PCDH15: variants seen among roughly 807,000 people sequenced by gnomAD.
PCDH15 encodes protocadherin related 15.
A neutral mutation model predicts 178.5 loss-of-function variants in PCDH15; 129 were observed. That is an observed-to-expected ratio of 0.72 (90% CI 0.63 to 0.84). PCDH15 has a LOEUF of 0.84. Among genes scored for constraint, PCDH15 ranks in the 40% least tolerant of loss-of-function variants. The probability of loss-of-function intolerance (pLI) is 0.00; values close to 1 mark genes in which losing one functional copy is unlikely to be tolerated. For synonymous variants in PCDH15, 800 were observed against 732.0 expected (o/e 1.09, Z -1.50); for missense variants, 2,230 against 2,099.9 (o/e 1.06, Z -1.21).
chr10:55,470,900 T>C (rs1037904512), intron 2 of PCDH15, among the ~76,000 whole-genome samples: 2 of 152,182 alleles, frequency 1.3e-5, no homozygotes, highest in African/African-American at 4.8e-5. Context: ...ATATGGAAGT[T>C]TGGAATCTTA....
At chr10:55,264,252 G>A (rs1317310857) in intron 1 of PCDH15, among the ~76,000 whole-genome samples, 1 of 152,106 alleles carries the variant, frequency 6.6e-6, no homozygotes, top group African/African-American at 2.4e-5. Flanking sequence ...AGAACAACCA[G>A]GTCTGAGGCA....
intron 2 of PCDH15, among the ~76,000 whole-genome samples, chr10:55,073,112 G>T (rs566811465): frequency 6.6e-6 from 1 of 152,118 alleles, no homozygotes; most frequent in African/African-American, 2.4e-5. Flanking sequence ...AATAATAAGA[G>T]CTATCTATGA....
chr10:54,652,156 A>T (rs1414687), intron 2 of PCDH15, among the ~76,000 whole-genome samples: 13,550 of 152,132 alleles, frequency 0.089, 749 homozygotes, highest in South Asian at 0.15. Context: ...GCTTTAAAGG[A>T]ATTATCTGGT....
intron 2 of PCDH15, among the ~76,000 whole-genome samples, chr10:55,024,930 A>T (rs1338526095): frequency 3.9e-5 from 6 of 151,964 alleles, no homozygotes; most frequent in Admixed American, 6.6e-5. Context: ...CTGTGGCAAA[A>T]CCATGGTTTT....
chr10:54,549,706 G>T (rs1021932106), intron 2 of PCDH15, among the ~76,000 whole-genome samples: 1 of 151,688 alleles, frequency 6.6e-6, no homozygotes, highest in African/African-American at 2.4e-5. Flanking sequence ...AGTATATTTT[G>T]ATATATTCAG....
intron 28 of PCDH15, among the ~76,000 whole-genome samples, chr10:53,853,221 A>G (rs2078504164): frequency 6.6e-6 from 1 of 152,098 alleles, no homozygotes; most frequent in Non-Finnish European, 1.5e-5. Flanking sequence ...CATATGTAAA[A>G]AAAAAAAGGC....
intron 3 of PCDH15, among the ~76,000 whole-genome samples, chr10:54,828,844 A>G (rs992459012): frequency 6.6e-6 from 1 of 152,008 alleles, no homozygotes; most frequent in Non-Finnish European, 1.5e-5. Flanking sequence ...ACAGATAGCC[A>G]GAAGTGTTAT....
intron 1 of PCDH15, among the ~76,000 whole-genome samples, chr10:55,167,447 C>T (rs1839226121): frequency 6.6e-6 from 1 of 152,030 alleles, no homozygotes; most frequent in African/African-American, 2.4e-5. Context: ...TTATACTATA[C>T]CATTATTATT....
At chr10:54,156,068 A>T (rs1017021345) in intron 13 of PCDH15, among the ~76,000 whole-genome samples, 2 of 152,226 alleles carry the variant, frequency 1.3e-5, no homozygotes, top group Admixed American at 6.5e-5. Context: ...TATTTTGCTT[A>T]CAAGTTTCAG....
At chr10:53,844,818 A>G (rs2077871466) in intron 28 of PCDH15, among the ~76,000 whole-genome samples, 1 of 152,018 alleles carries the variant, frequency 6.6e-6, no homozygotes, top group Non-Finnish European at 1.5e-5. Context: ...CATTGGTGTG[A>G]GCAAAGATTT....
rs945930838 is a variant in PCDH15 at position 54,650,300 on chromosome 10, G to A, written c.91+13872C>T. Among the ~76,000 whole-genome samples the A allele has an allele frequency of 1.1e-4, 17 of 152,182 alleles. No homozygotes were observed. The East Asian group carries it at 3.3e-3, about 29-fold the overall frequency. ...TTGCTCTCAGATTTCCCACATAATA[G>A]TTGAACCACAATGAGAAAGCAACTT... is the stretch of plus-strand genomic sequence containing the variant. On this transcript the variant is annotated intron_variant, in intron 2 of 37. Transcript: ENST00000644397.
chr10:54,980,407 A>AT (rs1455697690), intron 2 of PCDH15, among the ~76,000 whole-genome samples: 1 of 152,040 alleles, frequency 6.6e-6, no homozygotes, highest in African/African-American at 2.4e-5. Context: ...TTATTTTATT[A>AT]TATTTCTTAT....
chr10:54,392,574 T>G (rs1163439036), intron 3 of PCDH15, among the ~76,000 whole-genome samples: 1 of 151,180 alleles, frequency 6.6e-6, no homozygotes, highest in African/African-American at 2.4e-5. Flanking sequence ...ATAGTATTTA[T>G]AACGTTACAT....
chr10:54,900,293 C>T (rs557277902), intron 2 of PCDH15, among the ~76,000 whole-genome samples: 10 of 152,016 alleles, frequency 6.6e-5, no homozygotes, highest in African/African-American at 1.4e-4. Flanking sequence ...AATATTCGAA[C>T]GTGATAATTT....
At chr10:54,471,990 A>C (rs2136703538) in intron 3 of PCDH15, among the ~76,000 whole-genome samples, 1 of 152,246 alleles carries the variant, frequency 6.6e-6, no homozygotes, top group African/African-American at 2.4e-5. Flanking sequence ...AGCACAAATT[A>C]CTTTTTAGCA....
intron 20 of PCDH15, among the ~76,000 whole-genome samples, chr10:54,007,668 T>C (rs1401559163): frequency 6.6e-6 from 1 of 152,218 alleles, no homozygotes; most frequent in African/African-American, 2.4e-5. Context: ...GTGGAAATAT[T>C]GTTTTTCCAA....
At chr10:54,093,550 A>C (rs12243487) in intron 15 of PCDH15, among the ~76,000 whole-genome samples, 10,846 of 152,214 alleles carry the variant, frequency 0.071, 1,124 homozygotes, top group African/African-American at 0.22. Flanking sequence ...TTACCCTTCA[A>C]GTATTAGGAT....
intron 21 of PCDH15, among the ~76,000 whole-genome samples, chr10:53,991,213 T>C (rs978854071): frequency 6.6e-6 from 1 of 152,174 alleles, no homozygotes; most frequent in African/African-American, 2.4e-5. Context: ...GGTGCGGGAC[T>C]GGCAGGCAGC....
At chr10:55,520,836 G>A (rs896947785) in intron 2 of PCDH15, among the ~76,000 whole-genome samples, 1 of 151,726 alleles carries the variant, frequency 6.6e-6, no homozygotes, top group Non-Finnish European at 1.5e-5. Flanking sequence ...TTAACAAAAT[G>A]TGTATATATT....
Sources: allele counts gnomAD v4.1 joint callset (sites outside exome capture counted in the v4.1 genomes callset), GRCh38; gene constraint gnomAD v4.1.1; transcripts MANE v1.5; gene names NCBI Gene and HGNC (gene_info 2026-07-23, HGNC 2026-07-21).